The following UNC79 variants were observed in gnomAD, a reference collection of about 807,000 sequenced individuals.
UNC79 encodes protein unc-79 homolog.
Under a neutral mutation model 283.1 loss-of-function variants are expected in UNC79, and 37 were observed. The ratio of observed to expected loss-of-function variants is 0.13; its 90% CI spans 0.10 to 0.17. The LOEUF is 0.17. Ranked by LOEUF, UNC79 falls within the 10% of genes least tolerant of loss-of-function variation. The pLI, the probability that UNC79 is intolerant of heterozygous loss-of-function variation, is 1.00. For missense variants in UNC79, 2,272 were observed against 3,211.1 expected (o/e 0.71, Z 7.07); for synonymous variants, 1,107 against 1,200.2 (o/e 0.92, Z 1.61).
chr14:93,477,565 A>G (rs1291791569), exon 4 of UNC79: 4 of 1,596,770 alleles, frequency 2.5e-6, no homozygotes, highest in East Asian at 4.5e-5. Flanking sequence ...TAGATCTTGG[A>G]CAGTCGATAT....
At chr14:93,457,216 A>T (rs898251613) in intron 1 of UNC79, among the ~76,000 whole-genome samples, 1 of 152,248 alleles carries the variant, frequency 6.6e-6, no homozygotes, top group African/African-American at 2.4e-5. Flanking sequence ...CCAGACACTT[A>T]TTAAATGCTG....
chr14:93,438,962 C>T (rs544584858), intron 1 of UNC79, among the ~76,000 whole-genome samples: 5 of 151,826 alleles, frequency 3.3e-5, no homozygotes, highest in South Asian at 2.1e-4. Flanking sequence ...TATTTTCTTT[C>T]GTCATTTTTT....
chr14:93,620,046 A>G (rs990822723), intron 29 of UNC79, among the ~76,000 whole-genome samples: 1 of 152,262 alleles, frequency 6.6e-6, no homozygotes, highest in African/African-American at 2.4e-5. Flanking sequence ...TTGGATTTAA[A>G]AATGGCCACA....
At chr14:93,681,606 C>T (rs1266283417) in intron 41 of UNC79, among the ~76,000 whole-genome samples, 2 of 152,148 alleles carry the variant, frequency 1.3e-5, no homozygotes, top group African/African-American at 2.4e-5. Context: ...AGTATGAGAA[C>T]AAAATGAATG....
chr14:93,417,383 A>T (rs1324708767), intron 1 of UNC79, among the ~76,000 whole-genome samples: 1 of 152,186 alleles, frequency 6.6e-6, no homozygotes, highest in Non-Finnish European at 1.5e-5. Flanking sequence ...GTTTCTGCCG[A>T]GAGATCCGCT....
At chr14:93,614,359 C>G (rs1011936525) in intron 27 of UNC79, among the ~76,000 whole-genome samples, 1 of 151,644 alleles carries the variant, frequency 6.6e-6, no homozygotes, top group Non-Finnish European at 1.5e-5. Flanking sequence ...GCTGTGTGGC[C>G]AGGCTGGAGT....
At chr14:93,488,711 A>G (rs2058576022) in intron 5 of UNC79, among the ~76,000 whole-genome samples, 1 of 152,204 alleles carries the variant, frequency 6.6e-6, no homozygotes, top group African/African-American at 2.4e-5. Context: ...TGGGAAGTCC[A>G]TGATCAAGGT....
rs1566889946 is a variant in UNC79 at position 93,357,808 on chromosome 14, G to GGT, written c.-351+24285_-351+24286insGT. ...ATGGATATATATATATGGATATATG[G>GGT]ATATATATATATGGATATATGGATA... On this transcript the variant is annotated intron_variant, in intron 1 of 49. Coordinates refer to the UNC79 transcript ENST00000256339. Among the ~76,000 whole-genome samples the GGT allele has an allele frequency of 3.5e-5, 3 of 86,454 alleles. No homozygotes were observed. In the East Asian group the frequency reaches 8.0e-4, roughly 23 times the overall value. 56.7% of individuals were successfully genotyped at this position (86,454 alleles called of 152,430 possible). A position where few individuals can be genotyped will look rare whatever the true frequency, so the allele number is the denominator to read the frequency against.
In UNC79 at chr14:93,510,967, GAA is replaced by G. The variant is rs1483638936; in HGVS notation, c.899-13008_899-13007del. ...TACCTGCAACTGGGTAGTTTATAAA[GAA>G]AAGAGGTTTAATTGGCTCATGGTTC... On this transcript the variant is annotated intron_variant, in intron 7 of 48. Transcript: ENST00000555664. 2.0e-5 allele frequency among the ~76,000 whole-genome samples: 3 copies of G among 152,284 alleles called. No homozygotes were observed. In the East Asian group the frequency reaches 5.8e-4, roughly 29 times the overall value.
rs567345814 is a variant in UNC79, at chr14:93,382,543, G to A, written c.-351+49020G>A. Among the ~76,000 whole-genome samples the A allele has an allele frequency of 1.8e-3, 274 of 152,134 alleles. 3 individuals carry two copies. Among genetic ancestry groups the A allele is most frequent in the Admixed American group, 2.3e-3 (35 of 15,290 alleles). On this transcript the variant is annotated intron_variant, in intron 1 of 49. Transcript: ENST00000256339. ...GGGCTTAATAAATTGCATGCCAATC[G>A]TTAATAGTTTGCATACTATTTTTGC...
rs912593199 is a variant in UNC79 at position 93,680,693 on chromosome 14, C to T, written c.6742-1924C>T. Among the ~76,000 whole-genome samples the T allele has an allele frequency of 5.3e-5, 8 of 152,110 alleles. No homozygotes were observed. The East Asian group carries it at 1.2e-3, about 22-fold the overall frequency. ...GCAACCTCTGCCCCCCAGGTTCAAGCGATTCTTCTCCTGCCTCAGCCTCCT... is the reference window on the plus strand; with the variant it reads ...GCAACCTCTGCCCCCCAGGTTCAAGTGATTCTTCTCCTGCCTCAGCCTCCT... On this transcript the variant is annotated intron_variant, in intron 41 of 48. Coordinates refer to ENST00000555664, the Ensembl canonical transcript of UNC79.
In UNC79 at chr14:93,404,513, T is replaced by TATATATATAA. The variant is rs1229909876; in HGVS notation, c.-350-63157_-350-63156insTATATATAAA. Among the ~76,000 whole-genome samples the TATATATATAA allele has an allele frequency of 9.4e-4, 107 of 113,274 alleles. 7 individuals carry two copies. The highest frequency in any genetic ancestry group is 4.9e-3 in the Middle Eastern group (1 of 204). The allele number at this position is 113,274 out of a possible 152,430, so 74.3% of individuals were successfully genotyped here. A position where few individuals can be genotyped will look rare whatever the true frequency, so the allele number is the denominator to read the frequency against. On this transcript the variant is annotated intron_variant, in intron 1 of 49. Coordinates refer to the UNC79 transcript ENST00000256339. ...AAAAAAATATATATATATATATATA[T>TATATATATAA]AAATATATACATATTATATATTATT...
At chr14:93,455,217 T>C (rs989674107) in intron 1 of UNC79, among the ~76,000 whole-genome samples, 1 of 152,182 alleles carries the variant, frequency 6.6e-6, no homozygotes, top group African/African-American at 2.4e-5. Context: ...TTATGTCTTT[T>C]ATGAGGTTTT....
chr14:93,584,762 T>C (rs2064094182), intron 20 of UNC79, among the ~76,000 whole-genome samples: 2 of 151,822 alleles, frequency 1.3e-5, no homozygotes, highest in African/African-American at 4.8e-5. Context: ...AGTGGTGTGA[T>C]CTCGGCTCAC....
Position 93,497,784 on chromosome 14 carries a change from T to G in UNC79, c.898+498T>G, listed in dbSNP as rs527349011. Among the ~76,000 whole-genome samples, 8 of 151,860 alleles carry G rather than the reference T, an allele frequency of 5.3e-5. No individual in the cohort carries two copies. The South Asian group carries it at 1.3e-3, about 24-fold the overall frequency. ...GGGCAGATCACAAGGTCAGGAGATG[T>G]AGACCATCCTGGCTAACATGGTGAA... On this transcript the variant is annotated intron_variant, in intron 7 of 48. Transcript: ENST00000555664.
intron 47 of UNC79, among the ~76,000 whole-genome samples, chr14:93,702,911 C>G (rs2075632789): frequency 6.6e-6 from 1 of 152,212 alleles, no homozygotes; most frequent in Admixed American, 6.5e-5. Flanking sequence ...CCTTCTTCAC[C>G]CTAATCTGCA....
intron 12 of UNC79, among the ~76,000 whole-genome samples, chr14:93,538,804 CAAAAAAAAAA>C (rs534706329): frequency 3.6e-5 from 4 of 111,390 alleles, no homozygotes; most frequent in South Asian, 3.2e-4. Flanking sequence ...ATCACATGAC[CAAAAAAAAAA>C]AAAAAAAAGC....
At chr14:93,569,442 A>T (rs1023727999) in intron 14 of UNC79, among the ~76,000 whole-genome samples, 50 of 152,048 alleles carry the variant, frequency 3.3e-4, no homozygotes, top group African/African-American at 1.1e-3. Context: ...ATCTCCAAAA[A>T]AAATAAAAAA....
intron 1 of UNC79, among the ~76,000 whole-genome samples, chr14:93,384,247 T>G (rs1566904800): frequency 6.6e-6 from 1 of 152,210 alleles, no homozygotes; most frequent in African/African-American, 2.4e-5. Context: ...ATGGTAGCTC[T>G]GTTTTTAGTT....
Sources: gnomAD v4.1 joint callset for allele counts (sites outside exome capture counted in the v4.1 genomes callset) on GRCh38, gnomAD v4.1.1 for gene constraint, MANE v1.5 for transcripts, NCBI Gene and HGNC (gene_info 2026-07-23, HGNC 2026-07-21) for gene names.